ZBTB20: variants seen among roughly 807,000 people sequenced by gnomAD.
The protein encoded by ZBTB20 is zinc finger and BTB domain-containing protein 20.
ZBTB20 carries 9 observed loss-of-function variants against 56.9 expected under a neutral mutation model. That is an observed-to-expected ratio of 0.16 (90% CI 0.10 to 0.28). The LOEUF is 0.28. Ranked by LOEUF, ZBTB20 falls within the 10% of genes least tolerant of loss-of-function variation. The pLI, the probability that ZBTB20 is intolerant of heterozygous loss-of-function variation, is 1.00. For missense variants in ZBTB20, 655 were observed against 1,003.0 expected (o/e 0.65, Z 4.69); for synonymous variants, 417 against 420.7 (o/e 0.99, Z 0.11).
chr3:115,126,517 A>G (rs2084337739), intron 1 of ZBTB20, among the ~76,000 whole-genome samples: 1 of 152,196 alleles, frequency 6.6e-6, no homozygotes, highest in Non-Finnish European at 1.5e-5. Flanking sequence ...TATTATATAG[A>G]AGTGAAAAGG....
intron 5 of ZBTB20, among the ~76,000 whole-genome samples, chr3:114,750,001 T>C (rs114590928): frequency 1.9e-3 from 290 of 152,314 alleles, no homozygotes; most frequent in African/African-American, 6.8e-3. Flanking sequence ...ACAAAATCTA[T>C]TAAGCCTAAA....
chr3:115,087,115 T>C (rs956152116), intron 1 of ZBTB20, among the ~76,000 whole-genome samples: 2 of 151,856 alleles, frequency 1.3e-5, no homozygotes, highest in African/African-American at 4.8e-5. Flanking sequence ...GATTCGTATT[T>C]CTACCATGGT....
At chr3:114,871,582 G>A (rs2076013229) in intron 4 of ZBTB20, among the ~76,000 whole-genome samples, 1 of 152,006 alleles carries the variant, frequency 6.6e-6, no homozygotes, top group Admixed American at 6.6e-5. Context: ...CCGGAATAGG[G>A]GCCCTCTTCA....
At chr3:114,932,208 C>A (rs895181574) in intron 3 of ZBTB20, among the ~76,000 whole-genome samples, 2 of 152,220 alleles carry the variant, frequency 1.3e-5, no homozygotes, top group African/African-American at 4.8e-5. Context: ...TATGGATCAC[C>A]TGTAACCACC....
intron 6 of ZBTB20, among the ~76,000 whole-genome samples, chr3:114,684,222 T>C (rs904933859): frequency 1.3e-5 from 2 of 152,212 alleles, no homozygotes; most frequent in Admixed American, 6.6e-5. Context: ...TCTAGGAGTC[T>C]AATATGTATT....
At chr3:114,993,078 C>A (rs1179198183) in intron 2 of ZBTB20, among the ~76,000 whole-genome samples, 1 of 151,868 alleles carries the variant, frequency 6.6e-6, no homozygotes. Context: ...CAACATCTAC[C>A]TATTAAATGC....
At chr3:114,543,723 T>C (rs901772946) in intron 6 of ZBTB20, among the ~76,000 whole-genome samples, 1 of 152,218 alleles carries the variant, frequency 6.6e-6, no homozygotes. Context: ...ACAATACAGT[T>C]TATACTTTTA....
chr3:114,493,315 A>G (rs2042935919), intron 7 of ZBTB20, among the ~76,000 whole-genome samples: 2 of 152,220 alleles, frequency 1.3e-5, no homozygotes, highest in South Asian at 4.1e-4. Flanking sequence ...GGCTATTACA[A>G]ATAAAGCTGC....
intron 4 of ZBTB20, among the ~76,000 whole-genome samples, chr3:114,810,224 T>C (rs2072418391): frequency 6.6e-6 from 1 of 152,218 alleles, no homozygotes; most frequent in Admixed American, 6.5e-5. Context: ...GTGTGCAGCC[T>C]TTCAGACCTC....
At position 115,094,247 on chromosome 3, in the gene ZBTB20, T is replaced by A. The variant is rs2083299166; in HGVS notation, c.-702-22833A>T. ...ACAAGTAACCAAGAAGTGGAGAAAT[T>A]AGTAAATATGGTCAGAACCAGAGTA... is the stretch of plus-strand genomic sequence containing the variant. On this transcript the variant is annotated intron_variant, in intron 1 of 11. Coordinates refer to ENST00000675478, the MANE Select transcript of ZBTB20 (RefSeq NM_001348800.3). 2.6e-5 allele frequency among the ~76,000 whole-genome samples: 4 copies of A among 151,934 alleles called. No individual in the cohort carries two copies. The South Asian group carries it at 8.3e-4, about 31-fold the overall frequency.
At chr3:114,519,575 G>C (rs2046401290) in intron 6 of ZBTB20, 1 of 152,180 alleles carries the variant, frequency 6.6e-6, no homozygotes, top group Admixed American at 6.5e-5. Flanking sequence ...TGCCAGAGGA[G>C]GGCATGCGCT....
At chr3:114,890,124 G>T (rs1429733326) in intron 4 of ZBTB20, among the ~76,000 whole-genome samples, 1 of 151,946 alleles carries the variant, frequency 6.6e-6, no homozygotes, top group Non-Finnish European at 1.5e-5. Flanking sequence ...CTATTATATT[G>T]TCTCTTTATT....
chr3:114,387,766 G>A (rs1443527101), intron 8 of ZBTB20: 3 of 152,182 alleles, frequency 2.0e-5, no homozygotes, highest in Non-Finnish European at 4.4e-5. Context: ...ATGAATGAAG[G>A]TATATACAAG....
At chr3:114,444,724 AT>A (rs1165924493) in intron 7 of ZBTB20, among the ~76,000 whole-genome samples, 1 of 151,716 alleles carries the variant, frequency 6.6e-6, no homozygotes, top group African/African-American at 2.4e-5. Context: ...CCCTCATCAA[AT>A]TTTTTTTGAT....
At chr3:115,129,355 A>C (rs577402890) in intron 1 of ZBTB20, among the ~76,000 whole-genome samples, 5 of 152,348 alleles carry the variant, frequency 3.3e-5, no homozygotes, top group African/African-American at 1.2e-4. Flanking sequence ...GGTATCTTTA[A>C]TAGTACCATA....
chr3:114,546,794 C>A (rs1298253540), intron 6 of ZBTB20, among the ~76,000 whole-genome samples: 3 of 152,022 alleles, frequency 2.0e-5, no homozygotes, highest in Non-Finnish European at 4.4e-5. Context: ...TAGACCAACA[C>A]AAAAGTGTGT....
At chr3:114,479,710 A>G (rs571815585) in intron 7 of ZBTB20, among the ~76,000 whole-genome samples, 2 of 152,380 alleles carry the variant, frequency 1.3e-5, no homozygotes, top group Non-Finnish European at 2.9e-5. Context: ...CGTTCTAGAA[A>G]TACAGCCACA....
At chr3:114,498,482 T>C (rs540729042) in intron 7 of ZBTB20, among the ~76,000 whole-genome samples, 1 of 152,280 alleles carries the variant, frequency 6.6e-6, no homozygotes, top group African/African-American at 2.4e-5. Context: ...GTCGAGCCTC[T>C]GGGGCACCAC....
chr3:114,708,073 G>A (rs1007990115), intron 5 of ZBTB20, among the ~76,000 whole-genome samples: 1 of 152,158 alleles, frequency 6.6e-6, no homozygotes, highest in East Asian at 1.9e-4. Context: ...CTTTCTTTTT[G>A]TTATTTGTTT....
Sources: allele counts gnomAD v4.1 joint callset (sites outside exome capture counted in the v4.1 genomes callset), GRCh38; gene constraint gnomAD v4.1.1; transcripts MANE v1.5; gene names NCBI Gene and HGNC (gene_info 2026-07-23, HGNC 2026-07-21).